The following DQX1 variants were observed in gnomAD, a reference collection of about 807,000 sequenced individuals.
The protein encoded by DQX1 is DEAQ-box RNA dependent ATPase 1.
DQX1 carries 66 observed loss-of-function variants against 81.3 expected under a neutral mutation model. The ratio of observed to expected loss-of-function variants is 0.81; its 90% CI spans 0.67 to 1.00. The LOEUF is 1.00. Ranked by LOEUF, DQX1 falls within the 50% of genes least tolerant of loss-of-function variation. DQX1 has a pLI of 0.00. For synonymous variants in DQX1, 290 were observed against 350.0 expected, an observed-to-expected ratio of 0.83 and a Z score of 1.91; for missense variants, 798 against 867.9, an observed-to-expected ratio of 0.92 and a Z score of 1.01.
chr2:74,523,432 C>A lies in DQX1; in HGVS notation c.922G>T (p.Val308Phe). 1 of 1,614,158 alleles carries A rather than the reference C, an allele frequency of 6.2e-7. No homozygotes were observed. The highest frequency in any genetic ancestry group is 8.5e-7 in the Non-Finnish European group (1 of 1,180,030). ...LPLHPDCGRA[V>F]QAVYEDMDAR... ...TCCATGTCCTCATACACAGCCTGAA[C>A]GGCTCGTCCACAGTCTGGGTGAAGG... is the stretch of plus-strand genomic sequence containing the variant. Residue 308 changes from valine (V) to phenylalanine (F), a missense_variant, in exon 5 of 12, where the codon GTT (valine) becomes TTT (phenylalanine). Transcript: ENST00000404568.
rs1035446506 is a variant in DQX1 at position 74,524,934 on chromosome 2, A to G, written c.431+75T>C. On this transcript the variant is annotated intron_variant, in intron 3 of 11. Coordinates refer to ENST00000404568, the MANE Select transcript of DQX1 (RefSeq NM_133637.3). The stretch of plus-strand genomic sequence containing the variant: ...AGTTGGGCTAAGGGAGGGTATGGTG[A>G]GATGCCAGAGGAATGGGTTTGTTTC... 1.2e-5 allele frequency: 18 copies of G among 1,507,602 alleles called. No homozygotes were observed. The African/African-American group carries it at 1.7e-4, about 14-fold the overall frequency. 93.4% of individuals were successfully genotyped at this position (1,507,602 alleles called of 1,614,324 possible). A position where few individuals can be genotyped will look rare whatever the true frequency, so the allele number is the denominator to read the frequency against.
At chr2:74,524,627 G>A (rs1675124413) in intron 3 of DQX1, among the ~76,000 whole-genome samples, 1 of 152,144 alleles carries the variant, frequency 6.6e-6, no homozygotes, top group South Asian at 2.1e-4. Context: ...GGCCAGGCAC[G>A]GTGGCTCATG....
Position 74,522,588 on chromosome 2 carries a change from A to C in DQX1, c.1487T>G (p.Met496Arg). 6.2e-7 allele frequency: 1 copy of C among 1,613,318 alleles called. No homozygotes were observed. Among genetic ancestry groups the C allele is most frequent in the Non-Finnish European group, 8.5e-7 (1 of 1,179,626 alleles). Residue 496 changes from methionine (M) to arginine (R), a missense_variant, in exon 8 of 12, where the codon ATG (methionine) becomes AGG (arginine). Physicochemically the swap from Met to Arg is moderately conservative, Grantham distance 91. Coordinates refer to ENST00000404568, the MANE Select transcript of DQX1 (RefSeq NM_133637.3). ...ACAGCAGCGATTTATACCTGTGAGC[A>C]TGGCAGCCAGGGTGAGCATCTCGTC... is the stretch of plus-strand genomic sequence containing the variant. ...CVDEMLTLAA[M>R]LTAAPGFTRP...
rs143706179 is a variant in DQX1, at chr2:74,523,370, G to C, written c.984C>G (p.Asp328Glu). ...GGATGGAAGGGAGGGAGAAGGAGAAGTCAGCCAGCCAGTGAGTGACCACAA... is the reference window on the plus strand; with the variant it reads ...GGATGGAAGGGAGGGAGAAGGAGAACTCAGCCAGCCAGTGAGTGACCACAA... ...RKVVVTHWLA[D>E]FSFSLPSIQH... Residue 328 changes from aspartate (D) to glutamate (E), a missense_variant, in exon 5 of 12, where the codon GAC becomes GAG. Transcript: ENST00000404568. 2.7e-5 allele frequency: 43 copies of C among 1,614,226 alleles called. No individual in the cohort carries two copies. In the African/African-American group the frequency reaches 4.4e-4, roughly 17 times the overall value.
chr2:74,523,281 C>T, intron 5 of DQX1, 29 bp downstream of exon 5: 1 of 1,614,040 alleles, frequency 6.2e-7, no homozygotes. Flanking sequence ...GTCTTTACTA[C>T]CCCACCGCTA....
intron 10 of DQX1, 128 bp from the exon 11 acceptor site, chr2:74,519,358 T>A (rs1674967741): frequency 4.0e-6 from 5 of 1,252,808 alleles, no homozygotes; most frequent in African/African-American, 1.5e-5. Flanking sequence ...TACCTCTAGG[T>A]GTTGTCTGGT....
chr2:74,524,944 G>A (rs538562521), intron 3 of DQX1, 65 bp downstream of exon 3: 2 of 1,535,072 alleles, frequency 1.3e-6, no homozygotes, highest in Middle Eastern at 2.3e-4. Context: ...AGATGCCAGA[G>A]GAATGGGTTT....
At position 74,519,555 on chromosome 2, in the gene DQX1, C is replaced by A. The variant is rs200151764; in HGVS notation, c.1806+1G>T. ...CCCTCACCCCCACCCTTTCCTCTAA[C>A]CTTGAGAAAGTATCCTGACACCAGT... is the stretch of plus-strand genomic sequence containing the variant. On this transcript the variant is annotated splice_donor_variant, in intron 10 of 11. Transcript: ENST00000404568. LOFTEE classifies it high-confidence loss of function. The A allele has an allele frequency of 2.4e-5, 38 of 1,614,048 alleles. No individual in the cohort carries two copies. Among genetic ancestry groups the A allele is most frequent in the Non-Finnish European group, 2.9e-5 (34 of 1,179,890 alleles).
chr2:74,524,183 G>A lies in DQX1; in HGVS notation c.556C>T (p.Leu186=), dbSNP rs751822834. ...SVASDSLQGL[L]QDARLEKLPG... ...AGTTTTTCCAGCCTGGCATCTTGCAGTAGCCCCTGGAGTGAATCTGATGCC... is the reference window on the plus strand; with the variant it reads ...AGTTTTTCCAGCCTGGCATCTTGCAATAGCCCCTGGAGTGAATCTGATGCC... Residue 186 remains leucine (L), a synonymous_variant, in exon 4 of 12, where the codon CTG becomes TTG. Coordinates refer to ENST00000404568, the MANE Select transcript of DQX1 (RefSeq NM_133637.3). The A allele has an allele frequency of 6.2e-7, 1 of 1,614,192 alleles. No individual in the cohort carries two copies. The highest frequency in any genetic ancestry group is 1.1e-5 in the South Asian group (1 of 91,080).
chr2:74,524,935 G>C, intron 3 of DQX1, 74 bp downstream of exon 3: 4 of 1,510,292 alleles, frequency 2.6e-6, no homozygotes, highest in Non-Finnish European at 3.6e-6. Context: ...GGTATGGTGA[G>C]ATGCCAGAGG....
chr2:74,524,979 T>C lies in DQX1; in HGVS notation c.431+30A>G, dbSNP rs762076921. ...TGTTTCTACTGAATAAGGGGAATTA[T>C]ATTCGGGTAAGGCCTGCAGAGGCCC... On this transcript the variant is annotated intron_variant, in intron 3 of 11. Transcript: ENST00000404568. The C allele has an allele frequency of 6.3e-6, 10 of 1,590,718 alleles. No individual in the cohort carries two copies. The Admixed American group carries it at 1.8e-4, about 28-fold the overall frequency.
Position 74,525,445 on chromosome 2 carries a change from C to A in DQX1, c.237+48G>T. ...TTCCCTTTGTCCTCCCTTTGTCCTC[C>A]CTTTGTCCACTCCCAGAATCTGCCT... On this transcript the variant is annotated intron_variant, in intron 2 of 11. Transcript: ENST00000404568. The surrounding 1 kb of genome is among the most constrained non-coding windows in gnomAD (Gnocchi z 4.1). The A allele has an allele frequency of 6.5e-7, 1 of 1,532,718 alleles. No individual in the cohort carries two copies. The highest frequency in any genetic ancestry group is 8.8e-7 in the Non-Finnish European group (1 of 1,132,818). 94.9% of individuals were successfully genotyped at this position (1,532,718 alleles called of 1,614,324 possible). A position where few individuals can be genotyped will look rare whatever the true frequency, so the allele number is the denominator to read the frequency against.
In DQX1 at chr2:74,522,939, T is replaced by C; in HGVS notation, c.1220A>G (p.Glu407Gly). Residue 407 changes from glutamate (E) to glycine (G), a missense_variant, in exon 7 of 12, where the codon GAG (glutamate) becomes GGG (glycine). Glu to Gly is a moderately conservative substitution (Grantham distance 98, BLOSUM62 -2). Transcript: ENST00000404568. Reference protein sequence around the residue: ...APPLPQPRVCEENLSSLVLLL... With the variant: ...APPLPQPRVCGENLSSLVLLL... ...TAACACCAGGGAGCTCAGATTCTCC[T>C]CACACACCCTGGGTTGTGGCAATGG... is the stretch of plus-strand genomic sequence containing the variant. The C allele has an allele frequency of 6.2e-7, 1 of 1,614,172 alleles. No homozygotes were observed. The highest frequency in any genetic ancestry group is 8.5e-7 in the Non-Finnish European group (1 of 1,180,028).
rs927800551 is a variant in DQX1 at position 74,523,789 on chromosome 2, A to T, written c.816+134T>A. 5 of 1,335,966 alleles carry T rather than the reference A, an allele frequency of 3.7e-6. No individual in the cohort carries two copies. The African/African-American group carries it at 7.4e-5, about 20-fold the overall frequency. 82.8% of individuals were successfully genotyped at this position (1,335,966 alleles called of 1,614,324 possible). On this transcript the variant is annotated intron_variant, in intron 4 of 11. Coordinates refer to ENST00000404568, the MANE Select transcript of DQX1 (RefSeq NM_133637.3). ...TTTCTCTGGGACCCCAACGGAGAGT[A>T]AATACTGCAACTCTACTGTTCCTAA...
intron 8 of DQX1, among the ~76,000 whole-genome samples, 158 bp from the exon 9 acceptor site, chr2:74,520,192 G>A (rs1674989981): frequency 6.6e-6 from 1 of 152,242 alleles, no homozygotes; most frequent in Admixed American, 6.5e-5. Flanking sequence ...TAAACATTGA[G>A]GATAAGTAAA....
chr2:74,519,726 A>G lies in DQX1; in HGVS notation c.1636T>C (p.Cys546Arg). 2 of 1,614,192 alleles carry G rather than the reference A, an allele frequency of 1.2e-6. No homozygotes were observed. The highest frequency in any genetic ancestry group is 1.7e-6 in the Non-Finnish European group (2 of 1,180,026). Reference protein sequence around the residue: ...FIQSGADEAWCQARGLNWAAL... With the variant: ...FIQSGADEAWRQARGLNWAAL... ...GCCCAATTCAGACCTCGAGCCTGGCACCAAGCCTCATCTGCTCCACCTAGG... is the reference window on the plus strand; with the variant it reads ...GCCCAATTCAGACCTCGAGCCTGGCGCCAAGCCTCATCTGCTCCACCTAGG... Residue 546 changes from cysteine (C) to arginine (R), a missense_variant, in exon 10 of 12, where the codon TGC becomes CGC. By Grantham distance (180) the Cys-to-Arg change is radical. Coordinates refer to ENST00000404568, the MANE Select transcript of DQX1 (RefSeq NM_133637.3).
Position 74,523,475 on chromosome 2 carries a change from A to C in DQX1, c.879T>G (p.Leu293=). 2 of 1,614,074 alleles carry C rather than the reference A, an allele frequency of 1.2e-6. No homozygotes were observed. The highest frequency in any genetic ancestry group is 1.7e-6 in the Non-Finnish European group (2 of 1,180,010). The change falls in exon 5 of 12, where the codon CTT becomes CTG. Residue 293 remains leucine (L), a synonymous_variant. Transcript: ENST00000404568. The part of the protein sequence containing the change: ...REVESLLLQG[L]PPRVLPLHPD... ...GGTGAAGGGGCAGTACTCGTGGTGGAAGCCCTTGGAGAAGCAAGGACTCTA... is the reference window on the plus strand; with the variant it reads ...GGTGAAGGGGCAGTACTCGTGGTGGCAGCCCTTGGAGAAGCAAGGACTCTA...
chr2:74,523,087 T>G (rs1457235341), intron 6 of DQX1, 32 bp downstream of exon 6: 3 of 1,606,354 alleles, frequency 1.9e-6, no homozygotes, highest in Non-Finnish European at 2.5e-6. Context: ...GACTCTTGGG[T>G]TTTTTATTTC....
chr2:74,521,876 G>C lies in DQX1; in HGVS notation c.1495+704C>G, dbSNP rs190102500. Among the ~76,000 whole-genome samples the C allele has an allele frequency of 2.4e-4, 36 of 151,968 alleles. 3 individuals carry two copies. The East Asian group carries it at 6.6e-3, about 28-fold the overall frequency. On this transcript the variant is annotated intron_variant, in intron 8 of 11. Coordinates refer to ENST00000404568, the MANE Select transcript of DQX1 (RefSeq NM_133637.3). ...GAATGGTATTGGGTGAGAGATACACGGCACAAGGTTTGGAAATTTTAAGGC... is the reference window on the plus strand; with the variant it reads ...GAATGGTATTGGGTGAGAGATACACCGCACAAGGTTTGGAAATTTTAAGGC...
Sources: allele counts gnomAD v4.1 joint callset (sites outside exome capture counted in the v4.1 genomes callset), GRCh38; gene constraint gnomAD v4.1.1; non-coding constraint Gnocchi (gnomAD v3.1); transcripts MANE v1.5; gene names NCBI Gene and HGNC (gene_info 2026-07-23, HGNC 2026-07-21).